DLGAP4: variants seen among roughly 807,000 people sequenced by gnomAD.
DLGAP4 encodes DLG associated protein 4.
A neutral mutation model predicts 86.9 loss-of-function variants in DLGAP4; 18 were observed. That is an observed-to-expected ratio of 0.21 (90% CI 0.14 to 0.31). DLGAP4 has a LOEUF of 0.31. DLGAP4 is among the 10% of genes least tolerant of loss of function. The pLI is 1.00. For synonymous variants in DLGAP4, 548 were observed against 574.3 expected (o/e 0.95, Z 0.65); for missense variants, 1,085 against 1,362.6 (o/e 0.80, Z 3.21).
intron 8 of DLGAP4, chr20:36,498,411 G>C (rs1248883969): frequency 2.0e-5 from 3 of 152,186 alleles, no homozygotes; most frequent in Non-Finnish European, 2.9e-5. Context: ...CCACCCTCTT[G>C]CTGGCCAAAC....
At chr20:36,518,515 G>A (rs370049583) in intron 10 of DLGAP4, among the ~76,000 whole-genome samples, 9 of 152,028 alleles carry the variant, frequency 5.9e-5, no homozygotes, top group African/African-American at 2.2e-4. Context: ...CTTTGAAGCC[G>A]ATGCATTTCT....
intron 10 of DLGAP4, among the ~76,000 whole-genome samples, chr20:36,506,665 G>A (rs1222014040): frequency 6.6e-6 from 1 of 152,208 alleles, no homozygotes; most frequent in African/African-American, 2.4e-5. Context: ...TCTGAATTGT[G>A]GTTAAATATA....
intron 7 of DLGAP4, among the ~76,000 whole-genome samples, chr20:36,457,857 C>T (rs1404870519): frequency 4.7e-5 from 7 of 148,970 alleles, no homozygotes; most frequent in East Asian, 2.0e-4. Flanking sequence ...AGGCTGGTCT[C>T]GAACTCCTGA....
intron 2 of DLGAP4, among the ~76,000 whole-genome samples, chr20:36,374,229 T>C (rs1477874205): frequency 6.6e-6 from 1 of 151,690 alleles, no homozygotes; most frequent in Non-Finnish European, 1.5e-5. Context: ...ACTGCAGTCT[T>C]TGGAGGAGAG....
At chr20:36,400,278 A>G (rs944866939) in intron 2 of DLGAP4, among the ~76,000 whole-genome samples, 20 of 152,228 alleles carry the variant, frequency 1.3e-4, no homozygotes, top group African/African-American at 4.3e-4. Flanking sequence ...AGCTTGTGGT[A>G]CCAGCGATAT....
chr20:36,415,765 C>G (rs2032635711), intron 2 of DLGAP4, among the ~76,000 whole-genome samples: 1 of 152,160 alleles, frequency 6.6e-6, no homozygotes, highest in Admixed American at 6.5e-5. Flanking sequence ...TCTCCAGGGG[C>G]AGGCTCCTAC....
chr20:36,375,891 G>T (rs1360181457), intron 2 of DLGAP4, among the ~76,000 whole-genome samples: 1 of 152,098 alleles, frequency 6.6e-6, no homozygotes, highest in East Asian at 1.9e-4. Flanking sequence ...CCAACGGCAG[G>T]TTAGGTCTGG....
At chr20:36,364,901 C>T (rs1297518652) in intron 1 of DLGAP4, among the ~76,000 whole-genome samples, 2 of 152,052 alleles carry the variant, frequency 1.3e-5, no homozygotes, top group Non-Finnish European at 2.9e-5. Flanking sequence ...TCGAGACTAG[C>T]CTGGGCAATA....
At chr20:36,401,570 T>C (rs1255450882) in intron 2 of DLGAP4, among the ~76,000 whole-genome samples, 2 of 152,232 alleles carry the variant, frequency 1.3e-5, no homozygotes, top group South Asian at 2.1e-4. Flanking sequence ...AGGAAGTTCA[T>C]GTTCACTCAT....
intron 2 of DLGAP4, among the ~76,000 whole-genome samples, chr20:36,367,534 G>A (rs1461493015): frequency 6.6e-6 from 1 of 152,158 alleles, no homozygotes; most frequent in Non-Finnish European, 1.5e-5. Flanking sequence ...CCTGCTTGGG[G>A]TGCACAGCAA....
intron 7 of DLGAP4, among the ~76,000 whole-genome samples, chr20:36,455,598 G>A (rs2033859638): frequency 6.6e-6 from 1 of 152,158 alleles, no homozygotes; most frequent in African/African-American, 2.4e-5. Flanking sequence ...GTCACTCTGA[G>A]TGGGCACCTG....
At chr20:36,354,861 G>T (rs1275856020) in intron 1 of DLGAP4, among the ~76,000 whole-genome samples, 1 of 152,114 alleles carries the variant, frequency 6.6e-6, no homozygotes, top group Non-Finnish European at 1.5e-5. Context: ...AGGACTGATT[G>T]AGCCCAGGAG....
At chr20:36,435,675 C>T (rs770350691) in intron 3 of DLGAP4, among the ~76,000 whole-genome samples, 1 of 152,256 alleles carries the variant, frequency 6.6e-6, no homozygotes, top group Non-Finnish European at 1.5e-5. Context: ...TCTGATCCCC[C>T]ATTCTAGGCT....
chr20:36,420,336 T>C (rs2032786612), intron 2 of DLGAP4, among the ~76,000 whole-genome samples: 3 of 151,922 alleles, frequency 2.0e-5, no homozygotes, highest in Non-Finnish European at 4.4e-5. Flanking sequence ...CTTTGGACAG[T>C]GTGGTCAGGG....
At chr20:36,415,185 G>A (rs923490566) in intron 2 of DLGAP4, among the ~76,000 whole-genome samples, 11 of 152,236 alleles carry the variant, frequency 7.2e-5, no homozygotes, top group African/African-American at 2.7e-4. Flanking sequence ...AAAATCGCTT[G>A]AACCTGGAGG....
At chr20:36,455,792 C>T (rs1315995312) in intron 7 of DLGAP4, among the ~76,000 whole-genome samples, 1 of 152,136 alleles carries the variant, frequency 6.6e-6, no homozygotes, top group African/African-American at 2.4e-5. Context: ...CGGCACCACA[C>T]ACTCTGTATA....
chr20:36,478,801 C>T (rs938647546), intron 7 of DLGAP4, among the ~76,000 whole-genome samples: 12 of 152,146 alleles, frequency 7.9e-5, no homozygotes, highest in Non-Finnish European at 1.2e-4. Flanking sequence ...TGTGTGATCC[C>T]GAACAGAGCC....
chr20:36,435,469 T>A (rs189423145), intron 3 of DLGAP4, among the ~76,000 whole-genome samples: 2 of 152,306 alleles, frequency 1.3e-5, no homozygotes, highest in Admixed American at 1.3e-4. Context: ...TCACCTGCCC[T>A]ATCACAGCCC....
Position 36,431,915 on chromosome 20 carries a change from G to A in DLGAP4, c.198G>A (p.Pro66=), listed in dbSNP as rs777239234. ...TTCCCCTCAACAACCAGCTGCCCCC[G>A]CCCAGCAGCACCTTTCCCCGCATCC... ...GLFPLNNQLP[P]PSSTFPRIHY... Residue 66 remains proline, a synonymous_variant, in exon 3 of 13, where the codon CCG becomes CCA. Transcript: ENST00000339266. The surrounding 1 kb of genome is among the most constrained non-coding windows in gnomAD (Gnocchi z 5.1). The A allele has an allele frequency of 1.9e-5, 30 of 1,613,910 alleles. No homozygotes were observed. The highest frequency in any genetic ancestry group is 5.5e-5 in the South Asian group (5 of 91,080).
Sources: gnomAD v4.1 joint callset for allele counts (sites outside exome capture counted in the v4.1 genomes callset) on GRCh38, gnomAD v4.1.1 for gene constraint, Gnocchi (gnomAD v3.1) non-coding constraint, MANE v1.5 for transcripts, NCBI Gene and HGNC (gene_info 2026-07-23, HGNC 2026-07-21) for gene names.